Variants in SGK3 observed in about 807,000 individuals in gnomAD.
SGK3 encodes the protein serum/glucocorticoid regulated kinase family member 3.
In SGK3, 47 loss-of-function variants were observed where a neutral mutation model predicts 68.5. That is an observed-to-expected ratio of 0.69 (90% confidence interval 0.54 to 0.87). SGK3 has a LOEUF of 0.87. SGK3 is among the 40% of genes least tolerant of loss of function. SGK3 has a pLI of 0.00. For synonymous variants in SGK3, 181 were observed against 189.1 expected, an observed-to-expected ratio of 0.96 and a Z score of 0.35; for missense variants, 479 against 575.5, an observed-to-expected ratio of 0.83 and a Z score of 1.72.
chr8:66,793,578 GTTTTGCTAATCAC>G (rs1178794808), intron 1 of SGK3, 25 bp from the exon 2 acceptor site: 47 of 631,560 alleles, frequency 7.4e-5, no homozygotes, highest in Non-Finnish European at 9.5e-5. Context: ...TTTTAAAGTT[GTTTTGCTAATCAC>G]TTTTTTTTTT....
At chr8:66,808,963 C>G (rs1032504007) in intron 4 of SGK3, among the ~76,000 whole-genome samples, 1 of 151,912 alleles carries the variant, frequency 6.6e-6, no homozygotes, top group Non-Finnish European at 1.5e-5. Context: ...TCCACCTCCC[C>G]AGTTCAAGCG....
intron 1 of SGK3, among the ~76,000 whole-genome samples, chr8:66,769,305 C>T (rs1484173272): frequency 6.6e-6 from 1 of 152,112 alleles, no homozygotes; most frequent in African/African-American, 2.4e-5. Flanking sequence ...CTCACTGAAA[C>T]CTCTACCTCC....
intron 1 of SGK3, among the ~76,000 whole-genome samples, chr8:66,739,487 T>C (rs58991268): frequency 0.13 from 19,948 of 152,080 alleles, 2,497 homozygotes; most frequent in African/African-American, 0.33. Context: ...CTCTGCCTCC[T>C]GGGTTCAAGC....
chr8:66,732,793 C>T (rs955775879), intron 1 of SGK3, among the ~76,000 whole-genome samples: 6 of 151,928 alleles, frequency 3.9e-5, no homozygotes, highest in Non-Finnish European at 7.4e-5. Flanking sequence ...TGCAGTGAGC[C>T]GAGATGGTGC....
chr8:66,784,993 C>T (rs1451577929), intron 1 of SGK3, among the ~76,000 whole-genome samples: 1 of 152,184 alleles, frequency 6.6e-6, no homozygotes, highest in Non-Finnish European at 1.5e-5. Context: ...TCAGAGCCTG[C>T]TGTGTACCAA....
intron 1 of SGK3, among the ~76,000 whole-genome samples, chr8:66,788,155 G>A (rs961021371): frequency 6.6e-6 from 1 of 152,198 alleles, no homozygotes; most frequent in African/African-American, 2.4e-5. Context: ...ACAAGAAGGA[G>A]GAACAAGCAG....
At chr8:66,806,062 T>C (rs867711317) in intron 4 of SGK3, among the ~76,000 whole-genome samples, 3 of 152,338 alleles carry the variant, frequency 2.0e-5, no homozygotes. Flanking sequence ...AAACATTTTT[T>C]CCCCAGAGGC....
intron 1 of SGK3, among the ~76,000 whole-genome samples, chr8:66,779,130 C>T (rs1199406710): frequency 6.6e-6 from 1 of 151,970 alleles, no homozygotes; most frequent in Non-Finnish European, 1.5e-5. Context: ...GGTATATATG[C>T]CAGAAGTTTT....
chr8:66,851,277 G>A (rs1810271362), intron 16 of SGK3, among the ~76,000 whole-genome samples: 1 of 152,114 alleles, frequency 6.6e-6, no homozygotes, highest in African/African-American at 2.4e-5. Context: ...ACTTTGGGAG[G>A]CCGAGGTGGG....
intron 1 of SGK3, among the ~76,000 whole-genome samples, chr8:66,784,263 C>T (rs1807110375): frequency 1.3e-5 from 2 of 152,152 alleles, no homozygotes; most frequent in South Asian, 4.1e-4. Context: ...TGTTAGTGCC[C>T]TCCTTTAGGT....
intron 13 of SGK3, among the ~76,000 whole-genome samples, chr8:66,842,778 A>T (rs1014006370): frequency 6.6e-6 from 1 of 152,208 alleles, no homozygotes; most frequent in Admixed American, 6.5e-5. Context: ...TTGCTACATT[A>T]AGTATTCTTG....
At chr8:66,751,145 C>A (rs1180208899) in intron 1 of SGK3, among the ~76,000 whole-genome samples, 1 of 151,390 alleles carries the variant, frequency 6.6e-6, no homozygotes, top group Non-Finnish European at 1.5e-5. Flanking sequence ...ACTAAAAATA[C>A]AAAAAAATTA....
chr8:66,736,981 T>C (rs1585648278), intron 1 of SGK3, among the ~76,000 whole-genome samples: 2 of 152,002 alleles, frequency 1.3e-5, no homozygotes, highest in South Asian at 4.1e-4. Context: ...CCTTGCTATG[T>C]TCCCCAGGCT....
At chr8:66,826,428 A>AT (rs34910870) in intron 6 of SGK3, among the ~76,000 whole-genome samples, 19,660 of 152,142 alleles carry the variant, frequency 0.13, 2,403 homozygotes, top group African/African-American at 0.32. Context: ...CGTTTTTATT[A>AT]TGATTTGTTT....
At chr8:66,738,496 A>G (rs1805387395) in intron 1 of SGK3, among the ~76,000 whole-genome samples, 1 of 152,158 alleles carries the variant, frequency 6.6e-6, no homozygotes, top group Non-Finnish European at 1.5e-5. Context: ...ACTTCTGCTT[A>G]TCTACTGGCA....
At chr8:66,799,147 A>G (rs752242561) in intron 3 of SGK3, among the ~76,000 whole-genome samples, 7 of 152,218 alleles carry the variant, frequency 4.6e-5, no homozygotes, top group Non-Finnish European at 1.0e-4. Flanking sequence ...TTAAATTACT[A>G]CAACCTGTTT....
At position 66,816,427 on chromosome 8, in the gene SGK3, C is replaced by A. The variant is rs1244203809; in HGVS notation, c.329+2499C>A. Among the ~76,000 whole-genome samples the A allele has an allele frequency of 3.4e-5, 5 of 146,078 alleles. No individual in the cohort carries two copies. In the East Asian group the frequency reaches 1.0e-3, roughly 30 times the overall value. On this transcript the variant is annotated intron_variant, in intron 5 of 16. Transcript: ENST00000521198. ...GTGGCGCAATCTCAGCTCACTGCAA[C>A]CTCTGCCTCCCAGGTTCAAGTGATT...
At chr8:66,821,608 G>C (rs563072499) in intron 5 of SGK3, among the ~76,000 whole-genome samples, 3,663 of 151,184 alleles carry the variant, frequency 0.024, 152 homozygotes, top group African/African-American at 0.083. Flanking sequence ...CGCCTCCCGG[G>C]CTCACACCAT....
chr8:66,726,233 A>C (rs1282526876), intron 1 of SGK3, among the ~76,000 whole-genome samples: 1 of 152,182 alleles, frequency 6.6e-6, no homozygotes, highest in Non-Finnish European at 1.5e-5. Context: ...TTAAATACTC[A>C]TAATAACGCT....
Sources: gnomAD v4.1 joint callset for allele counts (sites outside exome capture counted in the v4.1 genomes callset) on GRCh38, gnomAD v4.1.1 for gene constraint, MANE v1.5 for transcripts, NCBI Gene and HGNC (gene_info 2026-07-23, HGNC 2026-07-21) for gene names.